Variants in PCSK5 observed in about 807,000 individuals in gnomAD.
The protein encoded by PCSK5 is prohormone convertase 5.
PCSK5 carries 129 observed loss-of-function variants against 233.2 expected under a neutral mutation model. The ratio of observed to expected loss-of-function variants is 0.55; its 90% CI spans 0.48 to 0.64. The LOEUF (loss-of-function observed/expected upper bound fraction) is 0.64. Ranked by LOEUF, PCSK5 falls within the 30% of genes least tolerant of loss-of-function variation. The pLI is 0.00. For synonymous variants in PCSK5, 825 were observed against 879.2 expected (o/e 0.94, Z 1.09); for missense variants, 2,076 against 2,430.1 (o/e 0.85, Z 3.06).
chr9:76,344,884 A>G (rs770718505), intron 35 of PCSK5, among the ~76,000 whole-genome samples: 1 of 152,080 alleles, frequency 6.6e-6, no homozygotes, highest in South Asian at 2.1e-4. Flanking sequence ...CCGTCAACCA[A>G]TCAAAACAGG....
chr9:76,243,701 T>G (rs1826496494), intron 24 of PCSK5, among the ~76,000 whole-genome samples: 1 of 152,180 alleles, frequency 6.6e-6, no homozygotes, highest in African/African-American at 2.4e-5. Flanking sequence ...GACACTAAAC[T>G]ACCTGAGAAC....
chr9:76,151,504 G>C (rs1823671291), intron 10 of PCSK5, among the ~76,000 whole-genome samples: 1 of 152,126 alleles, frequency 6.6e-6, no homozygotes, highest in African/African-American at 2.4e-5. Context: ...TCACCCGACT[G>C]CAGGAATGCT....
At chr9:76,103,399 A>G (rs1831843700) in intron 8 of PCSK5, among the ~76,000 whole-genome samples, 1 of 152,156 alleles carries the variant, frequency 6.6e-6, no homozygotes, top group Non-Finnish European at 1.5e-5. Flanking sequence ...GGATCACTAG[A>G]TATCAAGGAG....
intron 24 of PCSK5, among the ~76,000 whole-genome samples, chr9:76,248,934 T>C (rs1826706101): frequency 6.6e-6 from 1 of 152,162 alleles, no homozygotes. Context: ...CCTGGACTAA[T>C]TTATTTTTTG....
At chr9:75,938,235 TG>T (rs1239138220) in intron 2 of PCSK5, among the ~76,000 whole-genome samples, 1 of 152,092 alleles carries the variant, frequency 6.6e-6, no homozygotes, top group East Asian at 1.9e-4. Flanking sequence ...TAGAGGCCAT[TG>T]TAGGGTTATT....
chr9:76,106,573 A>C (rs1831987498), intron 8 of PCSK5, among the ~76,000 whole-genome samples: 1 of 152,190 alleles, frequency 6.6e-6, no homozygotes, highest in Admixed American at 6.5e-5. Flanking sequence ...GAAATAACTA[A>C]TTTTCTCTAA....
chr9:75,892,376 A>G (rs1825646378), intron 1 of PCSK5, among the ~76,000 whole-genome samples: 1 of 152,160 alleles, frequency 6.6e-6, no homozygotes, highest in African/African-American at 2.4e-5. Flanking sequence ...AGGGCTATGA[A>G]AGTGGGTCCC....
intron 24 of PCSK5, among the ~76,000 whole-genome samples, chr9:76,253,171 A>G (rs1826867503): frequency 6.6e-6 from 1 of 152,058 alleles, no homozygotes; most frequent in South Asian, 2.1e-4. Flanking sequence ...ACCTTAGTGC[A>G]TGACCCAGGG....
Position 76,321,503 on chromosome 9 carries a change from T to C in PCSK5, c.3966T>C (p.His1322=). 1 of 1,612,556 alleles carries C rather than the reference T, an allele frequency of 6.2e-7. No homozygotes were observed. The highest frequency in any genetic ancestry group is 8.5e-7 in the Non-Finnish European group (1 of 1,179,586). ...GTGAAGGAAACGCCACCAACTGCCA[T>C]TCTTGTGAAGGAGGCCACGTCCTGC... ...RTCEGNATNC[H]SCEGGHVLHH... is the part of the protein sequence containing the mutation. The change falls in exon 31 of 38, where the codon CAT becomes CAC. Residue 1322 remains histidine, a synonymous_variant. Coordinates refer to ENST00000674117, the MANE Select transcript of PCSK5 (RefSeq NM_001372043.1).
chr9:75,899,954 C>T (rs1234146512), intron 1 of PCSK5, among the ~76,000 whole-genome samples: 1 of 152,106 alleles, frequency 6.6e-6, no homozygotes, highest in African/African-American at 2.4e-5. Flanking sequence ...AGAAAGAATC[C>T]AGGAGGATGT....
At chr9:75,973,864 G>A (rs1475409026) in intron 2 of PCSK5, among the ~76,000 whole-genome samples, 1 of 152,162 alleles carries the variant, frequency 6.6e-6, no homozygotes, top group African/African-American at 2.4e-5. Flanking sequence ...GCAGAGGGCC[G>A]AGGAGTGGAG....
chr9:75,988,388 C>T (rs1011004892), intron 3 of PCSK5, among the ~76,000 whole-genome samples: 3 of 151,536 alleles, frequency 2.0e-5, no homozygotes, highest in Non-Finnish European at 4.4e-5. Context: ...CTCAAGCAAT[C>T]CTCCCATCTC....
chr9:76,244,885 A>G (rs1826540118), intron 24 of PCSK5, among the ~76,000 whole-genome samples: 1 of 152,208 alleles, frequency 6.6e-6, no homozygotes. Context: ...ATAACATTTT[A>G]TATAATACTA....
At chr9:76,021,490 C>T (rs1320446654) in intron 3 of PCSK5, among the ~76,000 whole-genome samples, 10 of 151,956 alleles carry the variant, frequency 6.6e-5, no homozygotes, top group African/African-American at 1.9e-4. Context: ...AGAGAGAATT[C>T]GGGTTAGTAG....
chr9:76,089,853 C>T (rs1423226264), intron 7 of PCSK5, among the ~76,000 whole-genome samples: 1 of 152,152 alleles, frequency 6.6e-6, no homozygotes, highest in East Asian at 1.9e-4. Context: ...CCTTTTCTGA[C>T]TTTCTAAGCC....
At chr9:76,054,206 G>A (rs187001870) in intron 5 of PCSK5, among the ~76,000 whole-genome samples, 1 of 152,264 alleles carries the variant, frequency 6.6e-6, no homozygotes, top group African/African-American at 2.4e-5. Flanking sequence ...GGGATTATGG[G>A]AGCTACAGTT....
chr9:76,328,574 C>T (rs1235773120), intron 33 of PCSK5, among the ~76,000 whole-genome samples: 2 of 152,108 alleles, frequency 1.3e-5, no homozygotes, highest in African/African-American at 4.8e-5. Flanking sequence ...ATTCCCAATA[C>T]ATATTTTTCG....
chr9:76,252,136 G>A (rs867410967), intron 24 of PCSK5, among the ~76,000 whole-genome samples: 9 of 144,562 alleles, frequency 6.2e-5, no homozygotes, highest in African/African-American at 1.1e-4. Context: ...GCATGGTGGC[G>A]GGGTGCCTGT....
At chr9:76,335,529 AAGCCT>A (rs1829655263) in intron 34 of PCSK5, among the ~76,000 whole-genome samples, 1 of 152,138 alleles carries the variant, frequency 6.6e-6, no homozygotes, top group Admixed American at 6.6e-5. Flanking sequence ...AGTTTCTTTA[AAGCCT>A]AGGTTACTGC....
Sources: allele counts gnomAD v4.1 joint callset (sites outside exome capture counted in the v4.1 genomes callset), GRCh38; gene constraint gnomAD v4.1.1; transcripts MANE v1.5; gene names NCBI Gene and HGNC (gene_info 2026-07-23, HGNC 2026-07-21).